The following FRMD6 variants were observed in gnomAD, a reference collection of about 807,000 sequenced individuals.
The protein encoded by FRMD6 is FERM domain-containing protein 6.
In FRMD6, 37 loss-of-function variants were observed where a neutral mutation model predicts 73.2. That is an observed-to-expected ratio of 0.51 (90% confidence interval 0.39 to 0.66). The LOEUF (loss-of-function observed/expected upper bound fraction) is 0.66. Ranked by LOEUF, FRMD6 falls within the 30% of genes least tolerant of loss-of-function variation. FRMD6 has a pLI of 0.00. For missense variants in FRMD6, 714 were observed against 780.5 expected, an observed-to-expected ratio of 0.91 and a Z score of 1.02; for synonymous variants, 273 against 282.2, an observed-to-expected ratio of 0.97 and a Z score of 0.33.
intron 10 of FRMD6, among the ~76,000 whole-genome samples, chr14:51,719,660 C>G (rs888095595): frequency 6.6e-6 from 1 of 152,162 alleles, no homozygotes; most frequent in Non-Finnish European, 1.5e-5. Context: ...TGGATACTTT[C>G]GCAAAATACA....
upstream of FRMD6, chr14:51,651,736 C>T (rs1892400086): frequency 6.9e-6 from 1 of 145,442 alleles, no homozygotes; most frequent in Non-Finnish European, 1.5e-5. Context: ...CCCGTACTGC[C>T]GCGAGCTCAG....
chr14:51,702,412 C>T, intron 4 of FRMD6, 100 bp from the exon 5 acceptor site: 1 of 944,390 alleles, frequency 1.1e-6, no homozygotes, highest in Non-Finnish European at 1.7e-6. Flanking sequence ...TATCAGTGAT[C>T]AAAAAGTATC....
chr14:51,535,119 G>A (rs1409932381), intron 1 of FRMD6, among the ~76,000 whole-genome samples: 1 of 152,138 alleles, frequency 6.6e-6, no homozygotes, highest in Admixed American at 6.5e-5. Flanking sequence ...TCTTTTGATT[G>A]AAATCAGGGA....
At chr14:51,406,139 A>G in the FRMD6 span, among the ~76,000 whole-genome samples, 1 of 151,840 alleles carries the variant, frequency 6.6e-6, no homozygotes, top group African/African-American at 2.4e-5. Context: ...AGAGATGGTC[A>G]TAGGTGAGCG....
intron 1 of FRMD6, among the ~76,000 whole-genome samples, chr14:51,555,699 G>A (rs555541078): frequency 6.6e-6 from 1 of 152,124 alleles, no homozygotes; most frequent in Non-Finnish European, 1.5e-5. Context: ...CTACTCGGGA[G>A]GCTGAGGCAG....
chr14:51,540,720 G>GTT (rs1886160551), intron 1 of FRMD6, among the ~76,000 whole-genome samples: 4 of 29,804 alleles, frequency 1.3e-4, no homozygotes, highest in Non-Finnish European at 2.1e-4. Context: ...TTTTTAGTTG[G>GTT]AGTAGATAAT....
the FRMD6 span, among the ~76,000 whole-genome samples, chr14:51,445,314 G>A: frequency 6.6e-6 from 1 of 152,144 alleles, no homozygotes; most frequent in Non-Finnish European, 1.5e-5. Context: ...CAAGTCTGAA[G>A]AGAACATTCC....
the FRMD6 span, among the ~76,000 whole-genome samples, chr14:51,402,234 A>G: frequency 6.6e-6 from 1 of 152,254 alleles, no homozygotes; most frequent in African/African-American, 2.4e-5. Context: ...TTTGAACTCC[A>G]GGTTTTAAAA....
At chr14:51,636,159 C>T (rs1290588572) in intron 2 of FRMD6, among the ~76,000 whole-genome samples, 1 of 152,126 alleles carries the variant, frequency 6.6e-6, no homozygotes, top group African/African-American at 2.4e-5. Flanking sequence ...GATCCCCGCC[C>T]CATTACTCCC....
At chr14:51,427,900 C>T in the FRMD6 span, among the ~76,000 whole-genome samples, 1 of 152,172 alleles carries the variant, frequency 6.6e-6, no homozygotes, top group South Asian at 2.1e-4. Flanking sequence ...TAAACATTGA[C>T]CAGCAAACAA....
intron 2 of FRMD6, among the ~76,000 whole-genome samples, chr14:51,634,298 AG>A (rs1303302959): frequency 6.6e-6 from 1 of 152,250 alleles, no homozygotes; most frequent in Non-Finnish European, 1.5e-5. Flanking sequence ...TAGGGAAGGA[AG>A]GAAAAAATTA....
Position 51,542,184 on chromosome 14 carries a change from A to C in FRMD6, c.-209-28164A>C, listed in dbSNP as rs565759384. Among the ~76,000 whole-genome samples the C allele has an allele frequency of 2.0e-5, 3 of 152,232 alleles. No homozygotes were observed. The South Asian group carries it at 6.2e-4, about 32-fold the overall frequency. On this transcript the variant is annotated intron_variant, in intron 1 of 14. Transcript: ENST00000356218. ...TCCCATTTTAAAGTATAAATTCAAC[A>C]ATAGTATATTCACAGTGTTGTGCAA...
intron 1 of FRMD6, among the ~76,000 whole-genome samples, chr14:51,543,142 G>T (rs1282300484): frequency 1.3e-5 from 2 of 151,886 alleles, no homozygotes; most frequent in Admixed American, 1.3e-4. Flanking sequence ...CACCCAAGTT[G>T]ATTATGATTT....
chr14:51,512,512 C>A, intron 1 of FRMD6, among the ~76,000 whole-genome samples: 1 of 152,176 alleles, frequency 6.6e-6, no homozygotes, highest in East Asian at 1.9e-4. Context: ...TCCATCAAGG[C>A]TGCCACTGGA....
the FRMD6 span, among the ~76,000 whole-genome samples, chr14:51,483,229 G>A: frequency 5.9e-5 from 9 of 152,124 alleles, no homozygotes; most frequent in South Asian, 6.2e-4. Context: ...TTTATCCAAT[G>A]GGCACCTTTC....
intron 1 of FRMD6, among the ~76,000 whole-genome samples, chr14:51,671,647 G>T (rs780439523): frequency 6.6e-6 from 1 of 152,160 alleles, no homozygotes; most frequent in Admixed American, 6.5e-5. Context: ...AATTTATGGT[G>T]AAGCTTGGGT....
At chr14:51,656,315 G>A (rs568817774) in intron 1 of FRMD6, among the ~76,000 whole-genome samples, 2 of 152,340 alleles carry the variant, frequency 1.3e-5, no homozygotes, top group African/African-American at 4.8e-5. Flanking sequence ...AGAGAAAAAT[G>A]TGCTGAAACA....
At chr14:51,551,397 T>G (rs979133131) in intron 1 of FRMD6, among the ~76,000 whole-genome samples, 3 of 152,244 alleles carry the variant, frequency 2.0e-5, no homozygotes, top group Non-Finnish European at 4.4e-5. Flanking sequence ...AATCCTATTA[T>G]ACACAGAGAA....
intron 1 of FRMD6, among the ~76,000 whole-genome samples, chr14:51,562,516 C>T (rs1373061931): frequency 2.0e-5 from 3 of 152,144 alleles, no homozygotes; most frequent in Admixed American, 6.5e-5. Flanking sequence ...GTCAACCATG[C>T]GTGGGGACTG....
Sources: allele counts gnomAD v4.1 joint callset (sites outside exome capture counted in the v4.1 genomes callset), GRCh38; gene constraint gnomAD v4.1.1; transcripts MANE v1.5; gene names NCBI Gene and HGNC (gene_info 2026-07-23, HGNC 2026-07-21).